The following LARGE1 variants were observed in gnomAD, a reference collection of about 807,000 sequenced individuals.
LARGE1 encodes LARGE xylosyl- and glucuronyltransferase 1.
A neutral mutation model predicts 87.6 loss-of-function variants in LARGE1; 43 were observed. That is an observed-to-expected ratio of 0.49 (90% CI 0.38 to 0.63). LARGE1 has a LOEUF of 0.63. LARGE1 is among the 30% of genes least tolerant of loss of function. The pLI is 0.00. For synonymous variants in LARGE1, 434 were observed against 394.6 expected (o/e 1.10, Z -1.18); for missense variants, 802 against 1,000.2 (o/e 0.80, Z 2.67).
intron 2 of LARGE1, among the ~76,000 whole-genome samples, chr22:33,727,138 G>A (rs1403702023): frequency 4.6e-5 from 7 of 152,140 alleles, no homozygotes; most frequent in Non-Finnish European, 1.0e-4. Context: ...AGTTATGGAT[G>A]GGCTCCAAAT....
intron 2 of LARGE1, among the ~76,000 whole-genome samples, chr22:33,671,755 T>A (rs1022909896): frequency 6.6e-6 from 1 of 152,210 alleles, no homozygotes; most frequent in Non-Finnish European, 1.5e-5. Flanking sequence ...AGTGTTCCAT[T>A]ATTGGAACAC....
intron 6 of LARGE1, among the ~76,000 whole-genome samples, chr22:33,512,557 C>T (rs981225925): frequency 1.2e-4 from 19 of 152,114 alleles, no homozygotes; most frequent in Non-Finnish European, 2.5e-4. Flanking sequence ...AATCCCAGCA[C>T]TTTGGGAGGC....
intron 2 of LARGE1, among the ~76,000 whole-genome samples, chr22:33,719,159 A>G (rs943410145): frequency 2.0e-5 from 3 of 152,254 alleles, no homozygotes; most frequent in African/African-American, 7.2e-5. Context: ...AAAAGCTTAC[A>G]GTGTAAGGAT....
intron 7 of LARGE1, among the ~76,000 whole-genome samples, chr22:33,416,925 T>TTTTTTTTTTA (rs2066518002): frequency 6.8e-5 from 10 of 147,430 alleles, no homozygotes; most frequent in Admixed American, 1.3e-4. Context: ...TTTTTTTTTT[T>TTTTTTTTTTA]GAGACAGAGT....
chr22:33,839,332 G>A (rs2063202083), intron 1 of LARGE1, among the ~76,000 whole-genome samples: 1 of 152,058 alleles, frequency 6.6e-6, no homozygotes. Flanking sequence ...ATCACCAAGG[G>A]GTCAGTGCTA....
At chr22:33,370,862 TTAA>T (rs1475973888) in intron 9 of LARGE1, among the ~76,000 whole-genome samples, 6 of 149,332 alleles carry the variant, frequency 4.0e-5, no homozygotes, top group Middle Eastern at 4.1e-3. Context: ...TATTAATAAA[TTAA>T]TAATATTCAA....
intron 2 of LARGE1, among the ~76,000 whole-genome samples, chr22:33,665,816 C>T (rs548875448): frequency 6.6e-6 from 1 of 152,070 alleles, no homozygotes; most frequent in East Asian, 1.9e-4. Context: ...GGTGTGAACC[C>T]AGGAGGCGGA....
chr22:33,840,221 C>T (rs911234171), intron 1 of LARGE1, among the ~76,000 whole-genome samples: 1 of 152,006 alleles, frequency 6.6e-6, no homozygotes, highest in African/African-American at 2.4e-5. Flanking sequence ...CAAATCGGCA[C>T]CCCCTCAAGA....
At chr22:33,735,913 C>T (rs1476070305) in intron 2 of LARGE1, among the ~76,000 whole-genome samples, 3 of 152,206 alleles carry the variant, frequency 2.0e-5, no homozygotes, top group African/African-American at 7.2e-5. Flanking sequence ...TGGTATCTGG[C>T]TTCTTCCACG....
chr22:33,499,765 T>G (rs1331331660), intron 6 of LARGE1, among the ~76,000 whole-genome samples: 1 of 152,170 alleles, frequency 6.6e-6, no homozygotes, highest in Non-Finnish European at 1.5e-5. Context: ...TATGTAAAGA[T>G]AAAACATGTA....
rs143813968 is a variant in LARGE1 at position 33,537,853 on chromosome 22, G to T, written c.787+26995C>A. The stretch of plus-strand genomic sequence containing the variant: ...CCCAAAGTGCTGGGATTACGGGCGT[G>T]AGCCACCATGCCTGGCCCTATACAG... On this transcript the variant is annotated intron_variant, in intron 6 of 14. Transcript: ENST00000397394. 4.6e-5 allele frequency among the ~76,000 whole-genome samples: 7 copies of T among 152,258 alleles called. No individual in the cohort carries two copies. In the East Asian group the frequency reaches 1.4e-3, roughly 29 times the overall value.
the LARGE1 span, among the ~76,000 whole-genome samples, chr22:33,071,854 G>A: frequency 6.6e-6 from 1 of 152,102 alleles, no homozygotes; most frequent in Non-Finnish European, 1.5e-5. Context: ...TCTTTAATTG[G>A]CCTGCCGAGA....
intron 11 of LARGE1, among the ~76,000 whole-genome samples, chr22:33,242,505 T>C (rs931806242): frequency 1.3e-4 from 20 of 152,194 alleles, no homozygotes; most frequent in Admixed American, 1.1e-3. Context: ...TTTTATACAA[T>C]TTTGGTTCAT....
chr22:33,678,793 C>T (rs1037613397), intron 2 of LARGE1, among the ~76,000 whole-genome samples: 9 of 152,290 alleles, frequency 5.9e-5, no homozygotes, highest in East Asian at 1.9e-4. Context: ...GAGGAAGAGG[C>T]GCATCTGCGA....
chr22:33,298,933 A>C (rs918867968), intron 12 of LARGE1, among the ~76,000 whole-genome samples: 1 of 151,598 alleles, frequency 6.6e-6, no homozygotes, highest in Non-Finnish European at 1.5e-5. Context: ...GAGACGCGGG[A>C]AGCAGTGGCT....
intron 6 of LARGE1, among the ~76,000 whole-genome samples, chr22:33,490,645 C>G (rs1428467596): frequency 2.0e-5 from 3 of 152,212 alleles, no homozygotes; most frequent in Non-Finnish European, 4.4e-5. Flanking sequence ...GCCATAGTAC[C>G]TGGGAATCCC....
intron 6 of LARGE1, among the ~76,000 whole-genome samples, chr22:33,443,971 T>C (rs1450436831): frequency 6.6e-6 from 1 of 152,256 alleles, no homozygotes; most frequent in Non-Finnish European, 1.5e-5. Context: ...TGGATTTGTC[T>C]TTTTTAAAAA....
At chr22:33,387,571 A>C (rs1212396456) in intron 7 of LARGE1, among the ~76,000 whole-genome samples, 1 of 151,476 alleles carries the variant, frequency 6.6e-6, no homozygotes, top group Non-Finnish European at 1.5e-5. Context: ...GAAATATATT[A>C]ATGCACATTT....
chr22:33,718,643 C>A (rs978288890), intron 2 of LARGE1, among the ~76,000 whole-genome samples: 1 of 152,226 alleles, frequency 6.6e-6, no homozygotes, highest in East Asian at 1.9e-4. Flanking sequence ...CCTTCCCTAT[C>A]CTAACTCCAA....
Sources: gnomAD v4.1 joint callset for allele counts (sites outside exome capture counted in the v4.1 genomes callset) on GRCh38, gnomAD v4.1.1 for gene constraint, MANE v1.5 for transcripts, NCBI Gene and HGNC (gene_info 2026-07-23, HGNC 2026-07-21) for gene names.